Variants in SLCO2B1 observed in about 807,000 individuals in gnomAD.
SLCO2B1 encodes the protein OATP-RP2.
In SLCO2B1, 41 loss-of-function variants were observed where a neutral mutation model predicts 67.3. The ratio of observed to expected loss-of-function variants is 0.61; its 90% CI spans 0.47 to 0.79. The LOEUF (loss-of-function observed/expected upper bound fraction) is 0.79. Among genes scored for constraint, SLCO2B1 ranks in the 30% least tolerant of loss-of-function variants. The pLI is 0.00. For synonymous variants in SLCO2B1, 379 were observed against 381.4 expected, an observed-to-expected ratio of 0.99 and a Z score of 0.07; for missense variants, 837 against 920.1, an observed-to-expected ratio of 0.91 and a Z score of 1.17.
intron 1 of SLCO2B1, chr11:75,152,389 A>T (rs942609179): frequency 1.3e-5 from 2 of 152,390 alleles, no homozygotes; most frequent in Non-Finnish European, 2.9e-5. Context: ...CCATGGAGAC[A>T]GACCCAGCTG....
At chr11:75,163,184 G>C (rs978299359) in intron 2 of SLCO2B1, among the ~76,000 whole-genome samples, 1 of 152,138 alleles carries the variant, frequency 6.6e-6, no homozygotes, top group Non-Finnish European at 1.5e-5. Context: ...GCTGTGCCAG[G>C]TGCCACTCAC....
chr11:75,195,747 C>G (rs950399576), intron 9 of SLCO2B1, among the ~76,000 whole-genome samples: 2 of 152,346 alleles, frequency 1.3e-5, no homozygotes, highest in South Asian at 4.1e-4. Context: ...CCCTGAAAGG[C>G]GCAGCCTCTC....
chr11:75,204,585 T>C lies in SLCO2B1; in HGVS notation c.*5T>C, dbSNP rs1359735841. ...CCAGAGGATTCCCGAGTGTGAGCTG[T>C]CTTGGGGCCCCACCTGGCCAAGAGT... On this transcript the variant is annotated 3_prime_UTR_variant, in exon 14 of 14. Transcript: ENST00000289575. 1 of 1,599,706 alleles carries C rather than the reference T, an allele frequency of 6.3e-7. No individual in the cohort carries two copies. Among genetic ancestry groups the C allele is most frequent in the South Asian group, 1.1e-5 (1 of 88,336 alleles).
intron 4 of SLCO2B1, among the ~76,000 whole-genome samples, chr11:75,166,861 C>T (rs145997024): frequency 6.6e-6 from 1 of 152,278 alleles, no homozygotes; most frequent in Non-Finnish European, 1.5e-5. Flanking sequence ...GGAAGCCTTT[C>T]TAGGGGAAGA....
chr11:75,154,194 G>C (rs1291806602), intron 1 of SLCO2B1, among the ~76,000 whole-genome samples: 4 of 151,100 alleles, frequency 2.6e-5, no homozygotes, highest in Non-Finnish European at 5.9e-5. Context: ...AAAGTGTTGG[G>C]ATTACAGGCA....
At chr11:75,202,227 A>G (rs1945192543) in intron 11 of SLCO2B1, 1 of 152,128 alleles carries the variant, frequency 6.6e-6, no homozygotes, top group Non-Finnish European at 1.5e-5. Flanking sequence ...GTAGATCTAG[A>G]ACACAAGCTG....
intron 7 of SLCO2B1, among the ~76,000 whole-genome samples, chr11:75,186,231 G>T (rs1488627058): frequency 6.6e-6 from 1 of 150,630 alleles, no homozygotes; most frequent in African/African-American, 2.4e-5. Flanking sequence ...TTTTTTGAGA[G>T]GGAGTCTCGC....
At chr11:75,196,971 C>T (rs1945110252) in intron 10 of SLCO2B1, among the ~76,000 whole-genome samples, 1 of 152,172 alleles carries the variant, frequency 6.6e-6, no homozygotes, top group South Asian at 2.1e-4. Context: ...AAAAAATTAG[C>T]CAGGCGTGGT....
In SLCO2B1 at chr11:75,162,793, T is replaced by G; in HGVS notation, c.147+8T>G. ...GTGTTCCATAACATCAAGGTACCTC[T>G]CAGGGCCTGGCAGGGGCCTCCGAGT... On this transcript the variant is annotated splice_region_variant and intron_variant, in intron 2 of 13. Coordinates refer to ENST00000289575, the MANE Select transcript of SLCO2B1 (RefSeq NM_007256.5). 1 of 1,611,974 alleles carries G rather than the reference T, an allele frequency of 6.2e-7. No individual in the cohort carries two copies. Among genetic ancestry groups the G allele is most frequent in the Non-Finnish European group, 8.5e-7 (1 of 1,179,264 alleles).
chr11:75,174,928 G>A, intron 7 of SLCO2B1, among the ~76,000 whole-genome samples: 1 of 152,208 alleles, frequency 6.6e-6, no homozygotes, highest in East Asian at 1.9e-4. Context: ...GTGCTGCTGT[G>A]TAAGATGCTG....
intron 8 of SLCO2B1, among the ~76,000 whole-genome samples, chr11:75,188,568 A>G (rs915845595): frequency 2.0e-5 from 3 of 152,194 alleles, no homozygotes; most frequent in Non-Finnish European, 4.4e-5. Context: ...TCTACTAAAA[A>G]TACAAAAATT....
chr11:75,184,045 A>C (rs3824903), intron 7 of SLCO2B1, among the ~76,000 whole-genome samples: 23,118 of 152,062 alleles, frequency 0.15, 3,762 homozygotes, highest in East Asian at 0.39. Flanking sequence ...GTTCCGCTAG[A>C]GCTGGTGTGC....
chr11:75,184,110 G>A (rs568285403), intron 7 of SLCO2B1, among the ~76,000 whole-genome samples: 10 of 152,290 alleles, frequency 6.6e-5, no homozygotes, highest in Admixed American at 2.0e-4. Context: ...ACTCCCTGGC[G>A]GCATGATGGC....
Position 75,204,693 on chromosome 11 carries a change from T to C in SLCO2B1, c.*113T>C, listed in dbSNP as rs1205660223. On this transcript the variant is annotated 3_prime_UTR_variant, in exon 14 of 14. Transcript: ENST00000289575. ...CTGTGTTCCATTCTGGCTCCTCCAC[T>C]AAATTGCTGTGTGACTTCAGGCAAG... is the stretch of plus-strand genomic sequence containing the variant. 5 of 884,790 alleles carry C rather than the reference T, an allele frequency of 5.7e-6. No homozygotes were observed. The highest frequency in any genetic ancestry group is 8.2e-6 in the Non-Finnish European group (5 of 610,738). 54.8% of individuals were successfully genotyped at this position (884,790 alleles called of 1,614,324 possible).
chr11:75,163,463 G>T (rs1949848367), intron 2 of SLCO2B1, among the ~76,000 whole-genome samples: 1 of 152,102 alleles, frequency 6.6e-6, no homozygotes. Context: ...TAGTGGGGGT[G>T]GGATGGAGAA....
At chr11:75,194,932 G>C (rs1945079034) in intron 9 of SLCO2B1, among the ~76,000 whole-genome samples, 1 of 152,006 alleles carries the variant, frequency 6.6e-6, no homozygotes, top group South Asian at 2.1e-4. Flanking sequence ...AGACCATTTG[G>C]GACCAACTGA....
chr11:75,201,473 TC>T (rs1159415848), intron 11 of SLCO2B1: 1 of 152,158 alleles, frequency 6.6e-6, no homozygotes, highest in Non-Finnish European at 1.5e-5. Flanking sequence ...TCTGACACAA[TC>T]TACCTGGAGA....
chr11:75,170,426 G>A (rs1949944891), intron 6 of SLCO2B1, among the ~76,000 whole-genome samples: 1 of 152,166 alleles, frequency 6.6e-6, no homozygotes, highest in Admixed American at 6.5e-5. Context: ...CCAGGAGGGA[G>A]GGGTGTTGGG....
chr11:75,164,785 G>A (rs1949866862), intron 3 of SLCO2B1, among the ~76,000 whole-genome samples: 1 of 152,178 alleles, frequency 6.6e-6, no homozygotes, highest in African/African-American at 2.4e-5. Context: ...CAGCTGCAGT[G>A]TCCCCAGATC....
Sources: gnomAD v4.1 joint callset for allele counts (sites outside exome capture counted in the v4.1 genomes callset) on GRCh38, gnomAD v4.1.1 for gene constraint, MANE v1.5 for transcripts, NCBI Gene and HGNC (gene_info 2026-07-23, HGNC 2026-07-21) for gene names.